The following ONECUT3 variants were observed in gnomAD, a reference collection of about 807,000 sequenced individuals.
ONECUT3 encodes one cut domain family member 3.
In ONECUT3, 11 loss-of-function variants were observed where a neutral mutation model predicts 16.8. The observed-to-expected ratio is 0.66, with a 90% CI of 0.41 to 1.09. The LOEUF (loss-of-function observed/expected upper bound fraction) is 1.09, where lower values mean the gene tolerates loss of function less well. Ranked by LOEUF, ONECUT3 falls within the 50% of genes least tolerant of loss-of-function variation. The probability of loss-of-function intolerance (pLI) is 0.00; values close to 1 mark genes in which losing one functional copy is unlikely to be tolerated. For missense variants in ONECUT3, 637 were observed against 629.9 expected, an observed-to-expected ratio of 1.01 and a Z score of -0.12; for synonymous variants, 344 against 310.7, an observed-to-expected ratio of 1.11 and a Z score of -1.13.
intron 1 of ONECUT3, among the ~76,000 whole-genome samples, chr19:1,760,787 C>G (rs1248988839): frequency 6.6e-6 from 1 of 152,148 alleles, no homozygotes; most frequent in Non-Finnish European, 1.5e-5. Context: ...CTTTCTGTAG[C>G]CTGGGAGACA....
rs1015057227 is a variant in ONECUT3 at position 1,780,263 on chromosome 19, G to T, written c.*4818G>T. On this transcript the variant is annotated 3_prime_UTR_variant, in exon 2 of 2. Transcript: ENST00000382349. The stretch of plus-strand genomic sequence containing the variant: ...TTCTGTCCAGCCCGGGAGGCAGGGG[G>T]TGTACGCCTGCAGAGACCCCTCCCT... The T allele has an allele frequency of 2.0e-5, 3 of 152,116 alleles. No individual in the cohort carries two copies. Among genetic ancestry groups the T allele is most frequent in the African/African-American group, 7.2e-5 (3 of 41,390 alleles). 9.4% of individuals were successfully genotyped at this position (152,116 alleles called of 1,614,324 possible).
chr19:1,761,382 A>G (rs192261392), intron 1 of ONECUT3, among the ~76,000 whole-genome samples: 3 of 151,980 alleles, frequency 2.0e-5, no homozygotes, highest in Non-Finnish European at 4.4e-5. Context: ...CGTCTCCCCC[A>G]CATCCTAAGG....
rs2068139082 is a variant in ONECUT3, at chr19:1,779,484, T to C, written c.*4039T>C. ...GGCAGAGGTATACCTTTCTGTTCTC[T>C]GGCTTGTTCTGTTTCTTGTTTTCTG... On this transcript the variant is annotated 3_prime_UTR_variant, in exon 2 of 2. Coordinates refer to ENST00000382349, the MANE Select transcript of ONECUT3 (RefSeq NM_001080488.2). The C allele has an allele frequency of 6.6e-6, 1 of 151,970 alleles. No individual in the cohort carries two copies. The highest frequency in any genetic ancestry group is 2.1e-4 in the South Asian group (1 of 4,804). The allele number at this position is 151,970 out of a possible 1,614,324, so 9.4% of individuals were successfully genotyped here.
Position 1,764,789 on chromosome 19 carries a change from G to A in ONECUT3, c.1192+9935G>A, listed in dbSNP as rs2067970019. On this transcript the variant is annotated intron_variant, in intron 1 of 1. Coordinates refer to ENST00000382349, the MANE Select transcript of ONECUT3 (RefSeq NM_001080488.2). This position sits in a 1 kb window ranked among gnomAD's most constrained non-coding sequence, Gnocchi z 5.0. ...CAAGTCACCCACTGACTCGAGTCTG[G>A]AGAGGCCACGGGGGGGGGATGCGCA... is the stretch of plus-strand genomic sequence containing the variant. 1.5e-5 allele frequency among the ~76,000 whole-genome samples: 2 copies of A among 137,172 alleles called. No homozygotes were observed. The highest frequency in any genetic ancestry group is 5.1e-4 in the South Asian group (2 of 3,886). The allele number at this position is 137,172 out of a possible 152,430, so 90.0% of individuals were successfully genotyped here.
In ONECUT3 at chr19:1,762,984, C is replaced by T. The variant is rs940082806; in HGVS notation, c.1192+8130C>T. ...CCTGTAGTCCCAGCACTTTGGGAGGCCAAGGCAAGAGGATCTCTTGAGGCC... is the reference window on the plus strand; with the variant it reads ...CCTGTAGTCCCAGCACTTTGGGAGGTCAAGGCAAGAGGATCTCTTGAGGCC... On this transcript the variant is annotated intron_variant, in intron 1 of 1. Transcript: ENST00000382349. The surrounding 1 kb of genome is among the most constrained non-coding windows in gnomAD (Gnocchi z 4.4). Among the ~76,000 whole-genome samples, 5 of 152,194 alleles carry T rather than the reference C, an allele frequency of 3.3e-5. No individual in the cohort carries two copies. Among genetic ancestry groups the T allele is most frequent in the Non-Finnish European group, 7.3e-5 (5 of 68,040 alleles).
chr19:1,769,585 G>C (rs1002415451), intron 1 of ONECUT3, among the ~76,000 whole-genome samples: 1 of 146,038 alleles, frequency 6.8e-6, no homozygotes, highest in African/African-American at 2.6e-5. Flanking sequence ...GATTGGTGTG[G>C]GGGTGAACCT....
Position 1,758,331 on chromosome 19 carries a change from G to C in ONECUT3, c.1192+3477G>C, listed in dbSNP as rs960618366. ...AAAAAAAAAAAGAGAGAGAGAGAGA[G>C]AGAGACAGAGATGGGAGAGGAACTC... On this transcript the variant is annotated intron_variant, in intron 1 of 1. Transcript: ENST00000382349. This position sits in a 1 kb window ranked among gnomAD's most constrained non-coding sequence, Gnocchi z 5.9. 4.8e-5 allele frequency among the ~76,000 whole-genome samples: 7 copies of C among 146,208 alleles called. No homozygotes were observed. Among genetic ancestry groups the C allele is most frequent in the Admixed American group, 6.7e-5 (1 of 14,952 alleles).
In ONECUT3 at chr19:1,775,438, A is replaced by G; in HGVS notation, c.1478A>G (p.Lys493Arg). Residue 493 changes from lysine (K) to arginine (R), a missense_variant, in exon 2 of 2, where the codon AAG (lysine) becomes AGG (arginine). Physicochemically the swap from Lys to Arg is conservative, Grantham distance 26 (BLOSUM62 2). Transcript: ENST00000382349. Reference protein sequence around the residue: ...GPAGATATFSKA With the variant: ...GPAGATATFSRA Reference sequence around the variant, plus strand: ...GCCGGCGCCACGGCCACTTTCTCCAAGGCCTGAGGCGCCCCGGCCCCGCGC... The same window carrying G: ...GCCGGCGCCACGGCCACTTTCTCCAGGGCCTGAGGCGCCCCGGCCCCGCGC... 1 of 1,493,210 alleles carries G rather than the reference A, an allele frequency of 6.7e-7. No homozygotes were observed. Among genetic ancestry groups the G allele is most frequent in the Non-Finnish European group, 8.9e-7 (1 of 1,126,302 alleles). 92.5% of individuals were successfully genotyped at this position (1,493,210 alleles called of 1,614,324 possible).
At chr19:1,763,682 C>T (rs545847933) in intron 1 of ONECUT3, among the ~76,000 whole-genome samples, 47 of 151,750 alleles carry the variant, frequency 3.1e-4, no homozygotes, top group African/African-American at 1.1e-3. Flanking sequence ...ATTTCTCCTT[C>T]TTGCAAAAGG....
chr19:1,769,105 G>T (rs2068028902), intron 1 of ONECUT3, among the ~76,000 whole-genome samples: 1 of 150,394 alleles, frequency 6.6e-6, no homozygotes, highest in Non-Finnish European at 1.5e-5. Flanking sequence ...TGGAGGAGGA[G>T]ATGCTGGAGG....
At chr19:1,763,737 T>TTG (rs956959702) in intron 1 of ONECUT3, among the ~76,000 whole-genome samples, 20 of 148,254 alleles carry the variant, frequency 1.3e-4, no homozygotes, top group African/African-American at 3.1e-4. Flanking sequence ...TTTTTGTTTT[T>TTG]TTTTTTTTTT....
chr19:1,771,834 C>A (rs2068057844), intron 1 of ONECUT3, among the ~76,000 whole-genome samples: 1 of 151,940 alleles, frequency 6.6e-6, no homozygotes, highest in Non-Finnish European at 1.5e-5. Flanking sequence ...TGTGAGTCAC[C>A]ATGCCTGGCT....
chr19:1,764,495 G>A lies in ONECUT3; in HGVS notation c.1192+9641G>A, dbSNP rs145157679. On this transcript the variant is annotated intron_variant, in intron 1 of 1. Coordinates refer to ENST00000382349, the MANE Select transcript of ONECUT3 (RefSeq NM_001080488.2). This position sits in a 1 kb window ranked among gnomAD's most constrained non-coding sequence, Gnocchi z 5.0. ...GCCTGCTGAGGCCAAGGTGGGCTCC[G>A]CGTGAGATGTGGGCAGGGCAGGCAT... Among the ~76,000 whole-genome samples, 3,081 of 152,234 alleles carry A rather than the reference G, an allele frequency of 0.02. 40 individuals carry two copies. The highest frequency in any genetic ancestry group is 0.037 in the South Asian group (178 of 4,824).
At chr19:1,769,918 C>A (rs2068038439) in intron 1 of ONECUT3, among the ~76,000 whole-genome samples, 1 of 152,060 alleles carries the variant, frequency 6.6e-6, no homozygotes, top group Admixed American at 6.5e-5. Flanking sequence ...CCATTAGGCA[C>A]CAGATTGGAG....
chr19:1,758,315 A>AAAGAGAGAGAGAGAGAGAG lies in ONECUT3; in HGVS notation c.1192+3462_1192+3463insAGAGAGAGAGAGAGAGAGA, dbSNP rs1555799065. ...GCAGAGAGACCAAAAAAAAAAAAAA[A>AAAGAGAGAGAGAGAGAGAG]AGAGAGAGAGAGAGAGAGAGACAGA... On this transcript the variant is annotated intron_variant, in intron 1 of 1. Transcript: ENST00000382349. The surrounding 1 kb of genome is among the most constrained non-coding windows in gnomAD (Gnocchi z 5.9). 2.6e-5 allele frequency among the ~76,000 whole-genome samples: 2 copies of AAAGAGAGAGAGAGAGAGAG among 77,022 alleles called. No homozygotes were observed. Among genetic ancestry groups the AAAGAGAGAGAGAGAGAGAG allele is most frequent in the African/African-American group, 8.1e-5 (2 of 24,788 alleles). 50.5% of individuals were successfully genotyped at this position (77,022 alleles called of 152,430 possible).
chr19:1,754,394 CT>C lies in ONECUT3; in HGVS notation c.734del (p.Phe245SerfsTer90). 2 of 1,093,382 alleles carry C rather than the reference CT, an allele frequency of 1.8e-6. No individual in the cohort carries two copies. Among genetic ancestry groups the C allele is most frequent in the Admixed American group, 4.1e-5 (1 of 24,428 alleles). The allele number at this position is 1,093,382 out of a possible 1,614,324, so 67.7% of individuals were successfully genotyped here. The stretch of plus-strand genomic sequence containing the variant: ...GGGACAAGCTGCTGCCGCCCGCCGC[CT>C]TCGAGCCGCACGCCGCGCTGCTGGG... ...AGDKLLPPAA[F>X]EPHAALLGRA... On this transcript the variant is annotated frameshift_variant, in exon 1 of 2. Coordinates refer to ENST00000382349, the MANE Select transcript of ONECUT3 (RefSeq NM_001080488.2). LOFTEE classifies it high-confidence loss of function. This position sits in a 1 kb window ranked among gnomAD's most constrained non-coding sequence, Gnocchi z 7.4.
Position 1,764,816 on chromosome 19 carries a change from G to T in ONECUT3, c.1192+9962G>T, listed in dbSNP as rs979371789. The stretch of plus-strand genomic sequence containing the variant: ...GAGGCCACGGGGGGGGGATGCGCAG[G>T]GGGGACAAGACACCAGCATGGGGGT... On this transcript the variant is annotated intron_variant, in intron 1 of 1. Coordinates refer to ENST00000382349, the MANE Select transcript of ONECUT3 (RefSeq NM_001080488.2). The surrounding 1 kb of genome is among the most constrained non-coding windows in gnomAD (Gnocchi z 5.0). Among the ~76,000 whole-genome samples, 7 of 147,674 alleles carry T rather than the reference G, an allele frequency of 4.7e-5. No individual in the cohort carries two copies. The highest frequency in any genetic ancestry group is 1.1e-4 in the Non-Finnish European group (7 of 66,588).
chr19:1,768,665 A>G (rs1206159832), intron 1 of ONECUT3, among the ~76,000 whole-genome samples: 1 of 152,184 alleles, frequency 6.6e-6, no homozygotes, highest in Non-Finnish European at 1.5e-5. Flanking sequence ...GGGGCTGAGT[A>G]TGCAGTGCTG....
rs2067904256 is a variant in ONECUT3, at chr19:1,754,222, C to T, written c.560C>T (p.Pro187Leu). 1 of 1,128,830 alleles carries T rather than the reference C, an allele frequency of 8.9e-7. No homozygotes were observed. The highest frequency in any genetic ancestry group is 1.1e-6 in the Non-Finnish European group (1 of 917,256). 69.9% of individuals were successfully genotyped at this position (1,128,830 alleles called of 1,614,324 possible). A position where few individuals can be genotyped will look rare whatever the true frequency, so the allele number is the denominator to read the frequency against. Residue 187 changes from proline (P) to leucine (L), a missense_variant, in exon 1 of 2, where the codon CCC (proline) becomes CTC (leucine). This residue lies in a region of ONECUT3 where 419 missense variants were observed against 377.9 expected (regional missense o/e 1.11). Coordinates refer to ENST00000382349, the MANE Select transcript of ONECUT3 (RefSeq NM_001080488.2). This position sits in a 1 kb window ranked among gnomAD's most constrained non-coding sequence, Gnocchi z 7.4. ...GCCTCCGTGGGCCACCTCTACGGAC[C>T]CTACGGCAAGGAGCTGCCCGCCATG... Reference protein sequence around the residue: ...ALASVGHLYGPYGKELPAMGS... With the variant: ...ALASVGHLYGLYGKELPAMGS...
Sources: gnomAD v4.1 joint callset for allele counts (sites outside exome capture counted in the v4.1 genomes callset) on GRCh38, gnomAD v4.1.1 for gene constraint, gnomAD v4.1.1 regional missense constraint, Gnocchi (gnomAD v3.1) non-coding constraint, MANE v1.5 for transcripts, NCBI Gene and HGNC (gene_info 2026-07-23, HGNC 2026-07-21) for gene names.